Variants in SDK2 observed in about 807,000 individuals in gnomAD.
SDK2 encodes the protein sidekick cell adhesion molecule 2.
SDK2 carries 105 observed loss-of-function variants against 253.9 expected under a neutral mutation model. The ratio of observed to expected loss-of-function variants is 0.41; its 90% CI spans 0.35 to 0.49. The LOEUF (loss-of-function observed/expected upper bound fraction) is 0.49. SDK2 is among the 20% of genes least tolerant of loss of function. SDK2 has a pLI of 0.06. For synonymous variants in SDK2, 1,249 were observed against 1,234.9 expected (o/e 1.01, Z -0.24); for missense variants, 2,608 against 3,003.0 (o/e 0.87, Z 3.07).
intron 1 of SDK2, among the ~76,000 whole-genome samples, chr17:73,632,791 T>C (rs1455941753): frequency 6.6e-6 from 1 of 152,142 alleles, no homozygotes; most frequent in African/African-American, 2.4e-5. Flanking sequence ...ATGTAAAGCA[T>C]CTTAGAATCT....
chr17:73,528,279 C>A (rs2064141944), intron 1 of SDK2, among the ~76,000 whole-genome samples: 1 of 152,168 alleles, frequency 6.6e-6, no homozygotes, highest in African/African-American at 2.4e-5. Context: ...GAGTACATCT[C>A]CAAAGTCTCC....
chr17:73,448,096 C>A (rs372914470), intron 4 of SDK2, among the ~76,000 whole-genome samples: 2 of 152,186 alleles, frequency 1.3e-5, no homozygotes, highest in South Asian at 4.1e-4. Flanking sequence ...CAGGTCACAG[C>A]CTCCATGGCT....
At chr17:73,518,731 A>G (rs528789997) in intron 1 of SDK2, 8 of 152,372 alleles carry the variant, frequency 5.3e-5, no homozygotes, top group African/African-American at 1.9e-4. Flanking sequence ...CATTTGAGCT[A>G]TAAAAGTGGC....
At chr17:73,471,890 G>T (rs2063653658) in intron 3 of SDK2, among the ~76,000 whole-genome samples, 1 of 152,206 alleles carries the variant, frequency 6.6e-6, no homozygotes, top group Non-Finnish European at 1.5e-5. Flanking sequence ...CAGCAGATGT[G>T]CATGAGACTT....
At chr17:73,516,273 C>G (rs9906527) in intron 1 of SDK2, among the ~76,000 whole-genome samples, 10,801 of 152,242 alleles carry the variant, frequency 0.071, 753 homozygotes, top group African/African-American at 0.18. Flanking sequence ...ATTGGTCAAA[C>G]CCAGGTGGGA....
chr17:73,450,011 G>A (rs1167617639), intron 4 of SDK2, among the ~76,000 whole-genome samples: 2 of 152,226 alleles, frequency 1.3e-5, no homozygotes. Context: ...GCAATAGGAG[G>A]TGGGGCCAGA....
intron 19 of SDK2, 85 bp from the exon 20 acceptor site, chr17:73,401,837 TG>T: frequency 1.4e-6 from 2 of 1,417,752 alleles, no homozygotes; most frequent in Non-Finnish European, 1.9e-6. Context: ...TGTGGTAATC[TG>T]GGGGTATCTC....
intron 2 of SDK2, among the ~76,000 whole-genome samples, chr17:73,503,464 G>A (rs1487446100): frequency 5.3e-5 from 8 of 152,220 alleles, no homozygotes; most frequent in African/African-American, 1.7e-4. Flanking sequence ...ATGTTTATAC[G>A]TGTGTAGGGA....
chr17:73,389,650 C>T (rs1328113971), intron 29 of SDK2, among the ~76,000 whole-genome samples: 7 of 152,300 alleles, frequency 4.6e-5, no homozygotes, highest in South Asian at 2.1e-4. Context: ...CAGTGGCAGC[C>T]GGGGCTCCAG....
At chr17:73,371,059 A>G (rs1443355703) in intron 36 of SDK2, among the ~76,000 whole-genome samples, 3 of 152,112 alleles carry the variant, frequency 2.0e-5, no homozygotes, top group African/African-American at 7.2e-5. Flanking sequence ...ACAAGACTCC[A>G]TCTCTAAAAT....
Position 73,506,405 on chromosome 17 carries a change from C to G in SDK2, c.224+1033G>C, listed in dbSNP as rs994030100. ...TGCCCTGTCCTGGGCTTTCTTTTGC[C>G]AATGTGGCCACACTACACCAGCCCA... On this transcript the variant is annotated intron_variant, in intron 2 of 44. Coordinates refer to ENST00000392650, the MANE Select transcript of SDK2 (RefSeq NM_001144952.2). Among the ~76,000 whole-genome samples, 3 of 152,268 alleles carry G rather than the reference C, an allele frequency of 2.0e-5. No homozygotes were observed. The East Asian group carries it at 5.8e-4, about 30-fold the overall frequency.
At chr17:73,494,584 C>T in intron 2 of SDK2, among the ~76,000 whole-genome samples, 1 of 152,208 alleles carries the variant, frequency 6.6e-6, no homozygotes, top group East Asian at 1.9e-4. Context: ...TTTCCCCTTA[C>T]ACTTTGAACT....
At position 73,535,722 on chromosome 17, in the gene SDK2, A is replaced by C. The variant is rs1016868442; in HGVS notation, c.65-28125T>G. Among the ~76,000 whole-genome samples the C allele has an allele frequency of 7.9e-5, 12 of 152,326 alleles. 1 individual carries two copies. The highest frequency in any genetic ancestry group is 3.3e-4 in the Admixed American group (5 of 15,302). On this transcript the variant is annotated intron_variant, in intron 1 of 44. Transcript: ENST00000392650. ...CAGTGAGCACCGGCTCTGGCACACCATTGCCTGCCATCACCAAAGTAGGGT... is the reference window on the plus strand; with the variant it reads ...CAGTGAGCACCGGCTCTGGCACACCCTTGCCTGCCATCACCAAAGTAGGGT...
At position 73,467,345 on chromosome 17, in the gene SDK2, T is replaced by C. The variant is rs1327460592; in HGVS notation, c.331+4767A>G. ...CATGGGTTCAAATCCCAGTTTTTCC[T>C]AACTGTGTGACTTAGACAAGGTGTG... On this transcript the variant is annotated intron_variant, in intron 3 of 44. Coordinates refer to ENST00000392650, the MANE Select transcript of SDK2 (RefSeq NM_001144952.2). This position sits in a 1 kb window ranked among gnomAD's most constrained non-coding sequence, Gnocchi z 4.1. Among the ~76,000 whole-genome samples, 4 of 152,114 alleles carry C rather than the reference T, an allele frequency of 2.6e-5. No homozygotes were observed. Among genetic ancestry groups the C allele is most frequent in the Non-Finnish European group, 4.4e-5 (3 of 68,016 alleles).
chr17:73,584,315 G>A (rs897507376), intron 1 of SDK2, among the ~76,000 whole-genome samples: 1 of 152,224 alleles, frequency 6.6e-6, no homozygotes, highest in Non-Finnish European at 1.5e-5. Context: ...TGCTACAGGG[G>A]TGGGAAGCTG....
At chr17:73,466,713 A>AGCCC (rs2063600219) in intron 3 of SDK2, among the ~76,000 whole-genome samples, 1 of 81,904 alleles carries the variant, frequency 1.2e-5, no homozygotes, top group Non-Finnish European at 2.2e-5. Flanking sequence ...GCTCTGGGGA[A>AGCCC]CGCCCCCCCC....
chr17:73,532,055 C>T (rs1316571853), intron 1 of SDK2, among the ~76,000 whole-genome samples: 1 of 152,150 alleles, frequency 6.6e-6, no homozygotes, highest in African/African-American at 2.4e-5. Context: ...AAGGGGGGGT[C>T]ATTCTGTACT....
chr17:73,419,387 C>T (rs2063209597), intron 15 of SDK2, 81 bp from the exon 16 acceptor site: 2 of 1,476,424 alleles, frequency 1.4e-6, no homozygotes, highest in Admixed American at 1.9e-5. Context: ...TGAACCCTGG[C>T]CTGCTCTGAC....
intron 1 of SDK2, among the ~76,000 whole-genome samples, chr17:73,575,684 T>C (rs889058516): frequency 2.0e-5 from 3 of 152,230 alleles, no homozygotes; most frequent in Admixed American, 6.5e-5. Flanking sequence ...ACTTGGCAAG[T>C]AAGATATGAT....
Sources: allele counts gnomAD v4.1 joint callset (sites outside exome capture counted in the v4.1 genomes callset), GRCh38; gene constraint gnomAD v4.1.1; non-coding constraint Gnocchi (gnomAD v3.1); transcripts MANE v1.5; gene names NCBI Gene and HGNC (gene_info 2026-07-23, HGNC 2026-07-21).